Variants in HS6ST3 observed in about 807,000 individuals in gnomAD.
HS6ST3 encodes the protein heparan-sulfate 6-O-sulfotransferase 3.
In HS6ST3, 12 loss-of-function variants were observed where a neutral mutation model predicts 36.7. The observed-to-expected ratio is 0.33, with a 90% CI of 0.21 to 0.53. The LOEUF (loss-of-function observed/expected upper bound fraction) is 0.53. HS6ST3 is among the 20% of genes least tolerant of loss of function. The pLI is 0.95. For missense variants in HS6ST3, 584 were observed against 640.9 expected (o/e 0.91, Z 0.96); for synonymous variants, 240 against 257.5 (o/e 0.93, Z 0.65).
chr13:96,816,006 C>T (rs1011251805), intron 1 of HS6ST3, among the ~76,000 whole-genome samples: 12 of 152,194 alleles, frequency 7.9e-5, no homozygotes, highest in Non-Finnish European at 1.5e-4. Flanking sequence ...AGCAGAAGGT[C>T]CTTGTCTGTA....
Position 96,420,800 on chromosome 13 carries a change from G to A in HS6ST3, c.707+329231G>A, listed in dbSNP as rs1277429004. Among the ~76,000 whole-genome samples, 6 of 152,174 alleles carry A rather than the reference G, an allele frequency of 3.9e-5. No individual in the cohort carries two copies. The East Asian group carries it at 9.6e-4, about 24-fold the overall frequency. On this transcript the variant is annotated intron_variant, in intron 1 of 1. Coordinates refer to ENST00000376705, the MANE Select transcript of HS6ST3 (RefSeq NM_153456.4). ...TTTTGAAACATTTCTGCATAGACAA[G>A]GAATAGTATAGTTATTTTTACATTG...
At chr13:96,172,549 A>T (rs1343615840) in intron 1 of HS6ST3, among the ~76,000 whole-genome samples, 1 of 152,216 alleles carries the variant, frequency 6.6e-6, no homozygotes, top group African/African-American at 2.4e-5. Context: ...ATTTCTTTGT[A>T]CTAGGAACAT....
chr13:96,761,783 C>T (rs1204958673), intron 1 of HS6ST3, among the ~76,000 whole-genome samples: 1 of 152,120 alleles, frequency 6.6e-6, no homozygotes, highest in East Asian at 1.9e-4. Flanking sequence ...CTTGTTTTTA[C>T]GCAGTTCCAT....
At chr13:96,262,035 A>T (rs1035087194) in intron 1 of HS6ST3, among the ~76,000 whole-genome samples, 1 of 152,150 alleles carries the variant, frequency 6.6e-6, no homozygotes, top group South Asian at 2.1e-4. Flanking sequence ...TGACAGTGAG[A>T]TGATTTATCC....
intron 1 of HS6ST3, among the ~76,000 whole-genome samples, chr13:96,459,383 G>A (rs2055771341): frequency 6.6e-6 from 1 of 151,982 alleles, no homozygotes; most frequent in East Asian, 1.9e-4. Flanking sequence ...ACCATTATGG[G>A]CTTGCTTCTC....
intron 1 of HS6ST3, among the ~76,000 whole-genome samples, chr13:96,470,094 T>C (rs1289361867): frequency 6.6e-6 from 1 of 152,180 alleles, no homozygotes; most frequent in Non-Finnish European, 1.5e-5. Flanking sequence ...ACCAACCCTG[T>C]AATACAGTAG....
intron 1 of HS6ST3, among the ~76,000 whole-genome samples, chr13:96,831,145 C>A (rs1878771927): frequency 1.3e-5 from 2 of 152,224 alleles, no homozygotes; most frequent in African/African-American, 2.4e-5. Flanking sequence ...TTCTCAACTT[C>A]TCCATCTCCC....
chr13:96,224,886 G>T (rs2054472914), intron 1 of HS6ST3, among the ~76,000 whole-genome samples: 1 of 152,108 alleles, frequency 6.6e-6, no homozygotes, highest in Admixed American at 6.5e-5. Flanking sequence ...TTTCTTTTAG[G>T]CCATTCTTAA....
At chr13:96,161,523 T>C (rs2054135711) in intron 1 of HS6ST3, among the ~76,000 whole-genome samples, 1 of 152,006 alleles carries the variant, frequency 6.6e-6, no homozygotes, top group African/African-American at 2.4e-5. Flanking sequence ...TAACATGGAG[T>C]TCTTTCTGGA....
intron 1 of HS6ST3, among the ~76,000 whole-genome samples, chr13:96,251,206 C>A (rs2054606270): frequency 6.6e-6 from 1 of 152,128 alleles, no homozygotes; most frequent in Admixed American, 6.5e-5. Context: ...GTGAAGTCAT[C>A]TGGTCTCGGG....
chr13:96,610,755 A>G (rs1047765684), intron 1 of HS6ST3, among the ~76,000 whole-genome samples: 2 of 152,158 alleles, frequency 1.3e-5, no homozygotes, highest in Non-Finnish European at 2.9e-5. Context: ...CTGAAAGCAT[A>G]TAACTTGTAG....
chr13:96,180,644 T>G (rs2054235495), intron 1 of HS6ST3, among the ~76,000 whole-genome samples: 1 of 152,242 alleles, frequency 6.6e-6, no homozygotes, highest in South Asian at 2.1e-4. Context: ...AGTACTTATA[T>G]GTACCTGGCA....
At chr13:96,512,436 G>A (rs1030436573) in intron 1 of HS6ST3, among the ~76,000 whole-genome samples, 1 of 152,090 alleles carries the variant, frequency 6.6e-6, no homozygotes, top group Non-Finnish European at 1.5e-5. Context: ...AAATCCATTT[G>A]GAACTCTTGA....
At chr13:96,302,037 C>T (rs978809277) in intron 1 of HS6ST3, among the ~76,000 whole-genome samples, 1 of 151,324 alleles carries the variant, frequency 6.6e-6, no homozygotes, top group African/African-American at 2.4e-5. Context: ...ATCAAATTGG[C>T]ATGTATAAGA....
At chr13:96,223,651 TA>T (rs1259239652) in intron 1 of HS6ST3, among the ~76,000 whole-genome samples, 1 of 146,234 alleles carries the variant, frequency 6.8e-6, no homozygotes, top group Non-Finnish European at 1.5e-5. Flanking sequence ...CTGGAATGGA[TA>T]TGGGGGGGGG....
At chr13:96,719,347 G>C (rs889832237) in intron 1 of HS6ST3, among the ~76,000 whole-genome samples, 2 of 150,774 alleles carry the variant, frequency 1.3e-5, no homozygotes. Context: ...GTTTATTCTT[G>C]GTTTAAAAGA....
intron 1 of HS6ST3, among the ~76,000 whole-genome samples, chr13:96,589,876 G>A (rs913473256): frequency 6.6e-6 from 1 of 151,992 alleles, no homozygotes; most frequent in Admixed American, 6.6e-5. Context: ...TCTGCTCTCT[G>A]TCTACATGAG....
chr13:96,812,749 A>G (rs1448663069), intron 1 of HS6ST3, among the ~76,000 whole-genome samples: 1 of 151,978 alleles, frequency 6.6e-6, no homozygotes, highest in Non-Finnish European at 1.5e-5. Context: ...TGTTTTAGAT[A>G]TGAGGAATTA....
chr13:96,457,554 C>T (rs1206871914), intron 1 of HS6ST3, among the ~76,000 whole-genome samples: 1 of 152,032 alleles, frequency 6.6e-6, no homozygotes, highest in Non-Finnish European at 1.5e-5. Context: ...TTCTTAATTA[C>T]TGAACTCTCT....
Sources: allele counts gnomAD v4.1 joint callset (sites outside exome capture counted in the v4.1 genomes callset), GRCh38; gene constraint gnomAD v4.1.1; transcripts MANE v1.5; gene names NCBI Gene and HGNC (gene_info 2026-07-23, HGNC 2026-07-21).